CABIN1: variants seen among roughly 807,000 people sequenced by gnomAD.
The protein encoded by CABIN1 is calcineurin binding protein 1, also known as calcineurin-binding protein cabin-1.
CABIN1 carries 133 observed loss-of-function variants against 227.7 expected under a neutral mutation model. The observed-to-expected ratio is 0.58, with a 90% CI of 0.51 to 0.67. The LOEUF is 0.67. Among genes scored for constraint, CABIN1 ranks in the 30% least tolerant of loss-of-function variants. CABIN1 has a pLI of 0.00. For missense variants in CABIN1, 2,408 were observed against 2,852.5 expected, an observed-to-expected ratio of 0.84 and a Z score of 3.55; for synonymous variants, 1,086 against 1,155.1, an observed-to-expected ratio of 0.94 and a Z score of 1.21.
intron 29 of CABIN1, among the ~76,000 whole-genome samples, chr22:24,150,117 C>G (rs924858432): frequency 1.3e-5 from 2 of 152,216 alleles, no homozygotes; most frequent in African/African-American, 4.8e-5. Flanking sequence ...GATAACTGTG[C>G]TTCGGGAAAC....
chr22:24,152,179 G>A lies in CABIN1; in HGVS notation c.4747-12221G>A, dbSNP rs116874291. On this transcript the variant is annotated intron_variant, in intron 29 of 36. Transcript: ENST00000263119. ...ACTGAGGGACAGGGATCCTTGAGTC[G>A]ATCCCTGCTGTGGCTGACCCAGGAA... Among the ~76,000 whole-genome samples, 533 of 152,316 alleles carry A rather than the reference G, an allele frequency of 3.5e-3. 2 individuals carry two copies. The highest frequency in any genetic ancestry group is 5.5e-3 in the Non-Finnish European group (377 of 68,032).
rs992591577 is a variant in CABIN1, at chr22:24,178,540, C to G, written c.*344C>G. 4 of 365,966 alleles carry G rather than the reference C, an allele frequency of 1.1e-5. No individual in the cohort carries two copies. Among genetic ancestry groups the G allele is most frequent in the African/African-American group, 8.4e-5 (4 of 47,864 alleles). The allele number at this position is 365,966 out of a possible 1,614,324, so 22.7% of individuals were successfully genotyped here. ...CCCTCGACGCCGGGATGAGCCGGCT[C>G]TGCCTGTGTCACAGTGGAGGGGTCC... On this transcript the variant is annotated 3_prime_UTR_variant, in exon 37 of 37. Coordinates refer to ENST00000263119, the MANE Select transcript of CABIN1 (RefSeq NM_012295.4).
chr22:24,122,430 G>T (rs1338572138), intron 28 of CABIN1, among the ~76,000 whole-genome samples: 1 of 152,000 alleles, frequency 6.6e-6, no homozygotes, highest in East Asian at 1.9e-4. Context: ...CAATGAGGCT[G>T]GGCACGGTGG....
intron 29 of CABIN1, among the ~76,000 whole-genome samples, chr22:24,137,086 G>A (rs1213410439): frequency 6.6e-6 from 1 of 152,112 alleles, no homozygotes; most frequent in Non-Finnish European, 1.5e-5. Context: ...TTAGATACCG[G>A]GGTAATATTT....
rs560229391 is a variant in CABIN1, at chr22:24,021,801, C to T, written c.-75+10434C>T. Among the ~76,000 whole-genome samples the T allele has an allele frequency of 2.6e-5, 4 of 152,334 alleles. No individual in the cohort carries two copies. In the South Asian group the frequency reaches 8.3e-4, roughly 32 times the overall value. ...CCAGGTTCAAGCGATTCTCCTGCCT[C>T]AGCTTCCCAAGTAGCTGGGATTATA... On this transcript the variant is annotated intron_variant, in intron 1 of 36. Coordinates refer to ENST00000263119, the MANE Select transcript of CABIN1 (RefSeq NM_012295.4).
intron 28 of CABIN1, among the ~76,000 whole-genome samples, chr22:24,124,562 G>A (rs978295606): frequency 2.0e-5 from 3 of 152,194 alleles, no homozygotes; most frequent in African/African-American, 7.2e-5. Flanking sequence ...AGCCATAAGG[G>A]CCCTAATTCT....
rs191358254 is a variant in CABIN1, at chr22:24,164,076, C to T, written c.4747-324C>T. On this transcript the variant is annotated intron_variant, in intron 29 of 36. Transcript: ENST00000263119. ...GCAGGGAGGTGTACACACTGGGCCT[C>T]TCACTGTCTGTCCTCACGTTTGATC... 4.6e-5 allele frequency among the ~76,000 whole-genome samples: 7 copies of T among 152,348 alleles called. No homozygotes were observed. The East Asian group carries it at 1.2e-3, about 25-fold the overall frequency.
At chr22:24,142,693 A>G (rs2044842543) in intron 29 of CABIN1, among the ~76,000 whole-genome samples, 1 of 152,214 alleles carries the variant, frequency 6.6e-6, no homozygotes, top group Admixed American at 6.5e-5. Flanking sequence ...AACCTAGGGA[A>G]GAAGTGTTGG....
chr22:24,100,771 C>T (rs1350429164), intron 26 of CABIN1, among the ~76,000 whole-genome samples: 1 of 152,240 alleles, frequency 6.6e-6, no homozygotes, highest in African/African-American at 2.4e-5. Context: ...GTCCCAGCTC[C>T]ATTGCATATG....
Position 24,166,749 on chromosome 22 carries a change from G to A in CABIN1, c.5118G>A (p.Pro1706=), listed in dbSNP as rs374981392. The A allele has an allele frequency of 2.3e-5, 37 of 1,612,694 alleles. No homozygotes were observed. In the African/African-American group the frequency reaches 2.9e-4, roughly 13 times the overall value. The stretch of plus-strand genomic sequence containing the variant: ...ATGGCCAGGAGGGCCTCCCCCAGCC[G>A]AAGAAGCCCCCTCTGGCTGATGGCT... The part of the protein sequence containing the change: ...PEDGQEGLPQ[P]KKPPLADGSG... Residue 1706 remains proline, a synonymous_variant, in exon 32 of 37, where the codon CCG becomes CCA. Coordinates refer to ENST00000263119, the MANE Select transcript of CABIN1 (RefSeq NM_012295.4).
Position 24,076,220 on chromosome 22 carries a change from C to G in CABIN1, c.2684C>G (p.Ala895Gly). The G allele has an allele frequency of 6.2e-7, 1 of 1,614,156 alleles. No individual in the cohort carries two copies. The highest frequency in any genetic ancestry group is 8.5e-7 in the Non-Finnish European group (1 of 1,180,024). ...TCCTCCCTCATGCTGCTGAACACAG[C>G]CCACGAGTATTTGGGCAGAAGGTCC... Reference protein sequence around the residue: ...LPSSLMLLNTAHEYLGRRSWC... With the variant: ...LPSSLMLLNTGHEYLGRRSWC... The change falls in exon 19 of 37, where the codon GCC (alanine) becomes GGC (glycine). Residue 895 changes from alanine to glycine, a missense_variant. Physicochemically the swap from Ala to Gly is moderately conservative, Grantham distance 60. This residue lies in a region of CABIN1 where 1,045 missense variants were observed against 1,168.4 expected (regional missense o/e 0.89). Transcript: ENST00000263119.
rs176154 is a variant in CABIN1 at position 24,101,953 on chromosome 22, C to T, written c.4117+3761C>T. On this transcript the variant is annotated intron_variant, in intron 26 of 36. Transcript: ENST00000263119. ...CTCTGTGCTGGGCTCTGGGCAGGTG[C>T]CTGCAGGGTAGTAGCATGTCTCCAT... 1.4e-3 allele frequency among the ~76,000 whole-genome samples: 208 copies of T among 152,274 alleles called. 3 individuals carry two copies. The East Asian group carries it at 0.033, about 24-fold the overall frequency.
At chr22:24,067,247 T>C (rs1163643167) in intron 16 of CABIN1, 66 bp downstream of exon 16, 19 of 1,521,990 alleles carry the variant, frequency 1.2e-5, no homozygotes, top group Non-Finnish European at 1.5e-5. Context: ...GTGTTTATTC[T>C]CTGGAGGTTC....
At chr22:24,158,200 G>A (rs2045951507) in intron 29 of CABIN1, among the ~76,000 whole-genome samples, 1 of 152,134 alleles carries the variant, frequency 6.6e-6, no homozygotes, top group African/African-American at 2.4e-5. Context: ...TCTTACCACG[G>A]GCATACAGGG....
At chr22:24,134,479 A>G (rs1174545956) in intron 29 of CABIN1, 64 bp downstream of exon 29, 7 of 1,369,266 alleles carry the variant, frequency 5.1e-6, no homozygotes, top group South Asian at 1.2e-5. Context: ...CTGAAGGCGC[A>G]TGAATTGACC....
intron 11 of CABIN1, 27 bp downstream of exon 11, chr22:24,059,390 A>G: frequency 6.2e-7 from 1 of 1,613,526 alleles, no homozygotes; most frequent in Non-Finnish European, 8.5e-7. Flanking sequence ...GTGACCATTC[A>G]CTTTGGGAAT....
At chr22:24,161,856 CTGTCCCT>C (rs1388080355) in intron 29 of CABIN1, among the ~76,000 whole-genome samples, 1 of 152,100 alleles carries the variant, frequency 6.6e-6, no homozygotes, top group Admixed American at 6.5e-5. Flanking sequence ...GAAGCAGGGG[CTGTCCCT>C]TGTACCTGTC....
intron 20 of CABIN1, 115 bp downstream of exon 20, chr22:24,083,504 A>C: frequency 8.6e-7 from 1 of 1,169,306 alleles, no homozygotes; most frequent in South Asian, 1.3e-5. Flanking sequence ...TTGCATCAGA[A>C]GGAGGAGAGA....
At chr22:24,165,046 G>T (rs1265512012) in intron 30 of CABIN1, among the ~76,000 whole-genome samples, 2 of 152,238 alleles carry the variant, frequency 1.3e-5, no homozygotes, top group Non-Finnish European at 1.5e-5. Context: ...TTTACAGGGG[G>T]TGTTGGGGGG....
Sources: allele counts gnomAD v4.1 joint callset (sites outside exome capture counted in the v4.1 genomes callset), GRCh38; gene constraint gnomAD v4.1.1; regional missense constraint gnomAD v4.1.1; transcripts MANE v1.5; gene names NCBI Gene and HGNC (gene_info 2026-07-23, HGNC 2026-07-21).